Variants in SULF1 observed in about 807,000 individuals in gnomAD.
The protein encoded by SULF1 is sulfatase 1.
SULF1 carries 46 observed loss-of-function variants against 110.5 expected under a neutral mutation model. The ratio of observed to expected loss-of-function variants is 0.42; its 90% CI spans 0.33 to 0.53. The LOEUF is 0.53. Ranked by LOEUF, SULF1 falls within the 20% of genes least tolerant of loss-of-function variation. The pLI, the probability that SULF1 is intolerant of heterozygous loss-of-function variation, is 0.12. For synonymous variants in SULF1, 371 were observed against 387.1 expected, an observed-to-expected ratio of 0.96 and a Z score of 0.49; for missense variants, 941 against 1,094.2, an observed-to-expected ratio of 0.86 and a Z score of 1.98.
chr8:69,570,583 T>TACTC (rs1331617725), intron 5 of SULF1, among the ~76,000 whole-genome samples: 19 of 152,208 alleles, frequency 1.2e-4, no homozygotes, highest in African/African-American at 3.9e-4. Context: ...ATTTTGGGAA[T>TACTC]CAAGTAGTTG....
chr8:69,542,649 C>CT (rs1813939939), intron 3 of SULF1, among the ~76,000 whole-genome samples: 1 of 152,028 alleles, frequency 6.6e-6, no homozygotes, highest in Non-Finnish European at 1.5e-5. Context: ...TTATCAATTA[C>CT]TTGAGGCCTC....
intron 3 of SULF1, among the ~76,000 whole-genome samples, chr8:69,545,226 T>C (rs1383843537): frequency 1.3e-5 from 2 of 152,134 alleles, no homozygotes; most frequent in Admixed American, 6.5e-5. Context: ...CCCACTTACC[T>C]CTATCAATTT....
chr8:69,484,377 G>A (rs1809616700), intron 1 of SULF1, among the ~76,000 whole-genome samples: 1 of 152,140 alleles, frequency 6.6e-6, no homozygotes, highest in African/African-American at 2.4e-5. Flanking sequence ...TTTGTTAAAT[G>A]AATGAATAAT....
intron 8 of SULF1, among the ~76,000 whole-genome samples, chr8:69,593,212 G>A (rs545203260): frequency 7.9e-5 from 12 of 152,310 alleles, no homozygotes; most frequent in Non-Finnish European, 1.5e-4. Flanking sequence ...CAGGTTCAGA[G>A]TTCAGTCTTC....
intron 3 of SULF1, among the ~76,000 whole-genome samples, chr8:69,511,823 G>A (rs1223542661): frequency 6.6e-6 from 1 of 152,102 alleles, no homozygotes; most frequent in African/African-American, 2.4e-5. Flanking sequence ...ATTTTTTACT[G>A]GTTTGCAAGT....
intron 3 of SULF1, among the ~76,000 whole-genome samples, chr8:69,515,177 G>A (rs577744189): frequency 4.6e-5 from 7 of 152,126 alleles, no homozygotes; most frequent in African/African-American, 1.7e-4. Context: ...TCTCCACAGG[G>A]CTCCACTCCT....
At chr8:69,645,468 AAAC>A (rs1811824576) in intron 22 of SULF1, among the ~76,000 whole-genome samples, 1 of 152,234 alleles carries the variant, frequency 6.6e-6, no homozygotes, top group Non-Finnish European at 1.5e-5. Flanking sequence ...GAAAGAATCG[AAAC>A]AACCACCTCT....
chr8:69,579,632 G>A (rs1805924973), intron 6 of SULF1, among the ~76,000 whole-genome samples: 1 of 151,348 alleles, frequency 6.6e-6, no homozygotes, highest in Non-Finnish European at 1.5e-5. Context: ...ATTTATCCTT[G>A]ATGGGAAAAC....
At chr8:69,522,445 T>C (rs1812374493) in intron 3 of SULF1, among the ~76,000 whole-genome samples, 1 of 151,994 alleles carries the variant, frequency 6.6e-6, no homozygotes, top group African/African-American at 2.4e-5. Context: ...GGGAGATAGA[T>C]AAAGAGTTCA....
At chr8:69,555,648 T>TC (rs1815062787) in intron 3 of SULF1, among the ~76,000 whole-genome samples, 2 of 144,348 alleles carry the variant, frequency 1.4e-5, no homozygotes, top group Admixed American at 1.4e-4. Flanking sequence ...CAGGCAAGAC[T>TC]CCATCTCAAA....
intron 19 of SULF1, among the ~76,000 whole-genome samples, chr8:69,634,072 AGTC>A (rs1394071438): frequency 6.6e-6 from 1 of 152,202 alleles, no homozygotes; most frequent in Non-Finnish European, 1.5e-5. Flanking sequence ...TTTAATGAAA[AGTC>A]GTATAATGAT....
chr8:69,559,895 T>TTTTG (rs376158510), intron 3 of SULF1, among the ~76,000 whole-genome samples: 8 of 152,160 alleles, frequency 5.3e-5, no homozygotes, highest in African/African-American at 1.9e-4. Context: ...TTGTTGTTGT[T>TTTTG]TTTGTTTGTT....
At chr8:69,627,897 C>T (rs908539122) in intron 17 of SULF1, 31 bp downstream of exon 17, 6 of 1,545,616 alleles carry the variant, frequency 3.9e-6, no homozygotes, top group Non-Finnish European at 5.3e-6. Flanking sequence ...GCTCCACTTT[C>T]CAAATTCATT....
At chr8:69,602,181 C>G (rs1363631366) in intron 10 of SULF1, among the ~76,000 whole-genome samples, 2 of 151,992 alleles carry the variant, frequency 1.3e-5, no homozygotes, top group Non-Finnish European at 2.9e-5. Context: ...CTGACACCAT[C>G]CTTTTAGTGT....
intron 13 of SULF1, among the ~76,000 whole-genome samples, chr8:69,611,272 T>C (rs537974284): frequency 3.9e-5 from 6 of 152,382 alleles, no homozygotes; most frequent in Admixed American, 1.3e-4. Flanking sequence ...TGTCAATCAT[T>C]GGCCAAGATC....
chr8:69,636,752 C>A (rs1485752171), intron 19 of SULF1, among the ~76,000 whole-genome samples: 1 of 152,152 alleles, frequency 6.6e-6, no homozygotes, highest in Non-Finnish European at 1.5e-5. Flanking sequence ...GTGTGACATT[C>A]AGTCAGGCAC....
At chr8:69,533,878 C>G (rs140441330) in intron 3 of SULF1, among the ~76,000 whole-genome samples, 69 of 152,110 alleles carry the variant, frequency 4.5e-4, no homozygotes, top group African/African-American at 1.6e-3. Flanking sequence ...ATATTAAAAT[C>G]AAAGACTTGT....
At chr8:69,504,167 C>G (rs371711158) in intron 3 of SULF1, among the ~76,000 whole-genome samples, 2 of 152,234 alleles carry the variant, frequency 1.3e-5, no homozygotes, top group South Asian at 4.2e-4. Flanking sequence ...GCACTTTTCT[C>G]CCCCTAATGT....
intron 3 of SULF1, among the ~76,000 whole-genome samples, chr8:69,552,693 A>G (rs985100259): frequency 6.6e-6 from 1 of 152,260 alleles, no homozygotes; most frequent in Non-Finnish European, 1.5e-5. Context: ...GGCCACATTA[A>G]AAACAATCCC....
Sources: allele counts gnomAD v4.1 joint callset (sites outside exome capture counted in the v4.1 genomes callset), GRCh38; gene constraint gnomAD v4.1.1; transcripts MANE v1.5; gene names NCBI Gene and HGNC (gene_info 2026-07-23, HGNC 2026-07-21).